Variants in LRRC4C observed in about 807,000 individuals in gnomAD.
The protein encoded by LRRC4C is leucine rich repeat containing 4C.
A neutral mutation model predicts 33.6 loss-of-function variants in LRRC4C; 5 were observed. The ratio of observed to expected loss-of-function variants is 0.15; its 90% CI spans 0.08 to 0.31. LRRC4C has a LOEUF of 0.31. Ranked by LOEUF, LRRC4C falls within the 10% of genes least tolerant of loss-of-function variation. LRRC4C has a pLI of 1.00. For synonymous variants in LRRC4C, 329 were observed against 302.0 expected (o/e 1.09, Z -0.93); for missense variants, 560 against 796.7 (o/e 0.70, Z 3.58).
At chr11:40,789,817 A>G (rs1950555526) in intron 2 of LRRC4C, among the ~76,000 whole-genome samples, 3 of 152,224 alleles carry the variant, frequency 2.0e-5, no homozygotes, top group Admixed American at 2.0e-4. Flanking sequence ...GGGGACTCAC[A>G]ATCCATGTTT....
At chr11:40,807,333 C>G (rs1951297358) in intron 2 of LRRC4C, among the ~76,000 whole-genome samples, 1 of 152,180 alleles carries the variant, frequency 6.6e-6, no homozygotes, top group Admixed American at 6.5e-5. Context: ...TCTCACCTGT[C>G]AGTTTTTATT....
intron 2 of LRRC4C, among the ~76,000 whole-genome samples, chr11:40,869,308 T>C (rs918273464): frequency 1.1e-4 from 17 of 152,114 alleles, no homozygotes; most frequent in Non-Finnish European, 2.4e-4. Flanking sequence ...TGAAGACCTA[T>C]TGTTTACAGC....
chr11:40,698,451 T>C (rs1945690138), intron 2 of LRRC4C, among the ~76,000 whole-genome samples: 1 of 152,114 alleles, frequency 6.6e-6, no homozygotes, highest in Non-Finnish European at 1.5e-5. Flanking sequence ...TAAGAGCATT[T>C]TTTTTTTCCT....
At chr11:40,869,610 T>C (rs1954535399) in intron 2 of LRRC4C, among the ~76,000 whole-genome samples, 1 of 152,064 alleles carries the variant, frequency 6.6e-6, no homozygotes, top group Non-Finnish European at 1.5e-5. Context: ...ATTTGGCTGG[T>C]AAGAGAACAC....
intron 3 of LRRC4C, among the ~76,000 whole-genome samples, chr11:40,452,334 GA>G (rs1029175345): frequency 1.3e-5 from 2 of 151,776 alleles, no homozygotes; most frequent in Non-Finnish European, 2.9e-5. Flanking sequence ...AAATTTACAA[GA>G]AAAAAACAAA....
At chr11:40,349,346 C>A (rs1331685335) in intron 3 of LRRC4C, among the ~76,000 whole-genome samples, 1 of 152,028 alleles carries the variant, frequency 6.6e-6, no homozygotes, top group Non-Finnish European at 1.5e-5. Flanking sequence ...AGGCTTACTT[C>A]ACATTAACAT....
intron 1 of LRRC4C, among the ~76,000 whole-genome samples, chr11:40,993,709 CAT>C (rs1853759183): frequency 6.6e-6 from 1 of 151,862 alleles, no homozygotes; most frequent in African/African-American, 2.4e-5. Flanking sequence ...GACAGAAAAA[CAT>C]AGTGTTACAC....
intron 3 of LRRC4C, among the ~76,000 whole-genome samples, chr11:40,425,712 C>A (rs1950686051): frequency 6.6e-6 from 1 of 152,190 alleles, no homozygotes; most frequent in Admixed American, 6.5e-5. Context: ...GATATAGTGA[C>A]ACTAATTGTC....
chr11:40,570,370 A>G (rs575412574), intron 3 of LRRC4C, among the ~76,000 whole-genome samples: 1 of 152,140 alleles, frequency 6.6e-6, no homozygotes, highest in Non-Finnish European at 1.5e-5. Context: ...GCCCAATACA[A>G]AGCCAGTTTG....
At chr11:41,269,210 G>A (rs1380707451) in intron 1 of LRRC4C, among the ~76,000 whole-genome samples, 1 of 152,092 alleles carries the variant, frequency 6.6e-6, no homozygotes, top group Admixed American at 6.6e-5. Flanking sequence ...AAATTACAAT[G>A]TGTAAGATCC....
chr11:41,206,955 A>G (rs1946625184), intron 1 of LRRC4C, among the ~76,000 whole-genome samples: 1 of 152,202 alleles, frequency 6.6e-6, no homozygotes, highest in Non-Finnish European at 1.5e-5. Context: ...ATAAGTATAT[A>G]TGATGCTATA....
chr11:40,742,315 A>G (rs1442941226), intron 2 of LRRC4C, among the ~76,000 whole-genome samples: 2 of 152,014 alleles, frequency 1.3e-5, no homozygotes, highest in African/African-American at 2.4e-5. Context: ...TTCCAGAGGG[A>G]TACAAAACAT....
chr11:41,286,939 A>G (rs1949848244), intron 1 of LRRC4C, among the ~76,000 whole-genome samples: 2 of 152,174 alleles, frequency 1.3e-5, no homozygotes, highest in African/African-American at 4.8e-5. Flanking sequence ...TAGGAACTCC[A>G]TGGCCAAGAT....
At chr11:40,936,567 A>T (rs952357003) in intron 1 of LRRC4C, among the ~76,000 whole-genome samples, 1 of 151,792 alleles carries the variant, frequency 6.6e-6, no homozygotes, top group East Asian at 2.0e-4. Flanking sequence ...CGATCTCCTG[A>T]CCTCATGATC....
intron 4 of LRRC4C, among the ~76,000 whole-genome samples, chr11:40,308,025 G>A (rs753023143): frequency 1.1e-4 from 16 of 152,092 alleles, no homozygotes; most frequent in Admixed American, 4.6e-4. Context: ...GTATTATTTC[G>A]CTAGAAACAG....
intron 5 of LRRC4C, among the ~76,000 whole-genome samples, chr11:40,194,925 T>TA (rs58375395): frequency 0.75 from 112,591 of 149,520 alleles, 43,179 homozygotes; most frequent in East Asian, 0.88. Flanking sequence ...CGTTTCTACT[T>TA]AAAAAAAAAC....
chr11:40,404,527 C>A (rs1043033504), intron 3 of LRRC4C, among the ~76,000 whole-genome samples: 17 of 152,096 alleles, frequency 1.1e-4, no homozygotes, highest in Non-Finnish European at 2.5e-4. Context: ...ATTCCTTCTA[C>A]CTCACAAGTG....
intron 1 of LRRC4C, among the ~76,000 whole-genome samples, chr11:41,240,291 G>T (rs552451230): frequency 1.3e-5 from 2 of 152,230 alleles, no homozygotes; most frequent in South Asian, 4.1e-4. Context: ...TCTAATTCTT[G>T]ATGCCATGCT....
chr11:40,946,036 AG>A (rs1958383035), intron 1 of LRRC4C, among the ~76,000 whole-genome samples: 1 of 152,162 alleles, frequency 6.6e-6, no homozygotes, highest in South Asian at 2.1e-4. Flanking sequence ...CCTGTTGCTC[AG>A]ATAGTTAGCA....
Sources: allele counts gnomAD v4.1 joint callset (sites outside exome capture counted in the v4.1 genomes callset), GRCh38; gene constraint gnomAD v4.1.1; transcripts MANE v1.5; gene names NCBI Gene and HGNC (gene_info 2026-07-23, HGNC 2026-07-21).